Variants in PRKDC observed in about 807,000 individuals in gnomAD.
PRKDC encodes protein kinase, DNA-activated, catalytic subunit, also known as DNA-dependent protein kinase catalytic subunit.
A neutral mutation model predicts 486.9 loss-of-function variants in PRKDC; 82 were observed. The observed-to-expected ratio is 0.17, with a 90% confidence interval of 0.14 to 0.20. The LOEUF (loss-of-function observed/expected upper bound fraction) is 0.20, where lower values mean the gene tolerates loss of function less well. PRKDC is among the 10% of genes least tolerant of loss of function. The pLI is 1.00. For missense variants in PRKDC, 4,504 were observed against 5,038.2 expected (o/e 0.89, Z 3.21); for synonymous variants, 1,895 against 1,837.0 (o/e 1.03, Z -0.81).
At chr8:47,878,262 C>T (rs978932992) in intron 39 of PRKDC, among the ~76,000 whole-genome samples, 5 of 151,960 alleles carry the variant, frequency 3.3e-5, no homozygotes, top group Non-Finnish European at 7.4e-5. Flanking sequence ...CCCGCCACCA[C>T]GCCTGGCTAA....
intron 57 of PRKDC, 106 bp from the exon 58 acceptor site, chr8:47,836,633 A>C (rs1466137213): frequency 2.9e-6 from 3 of 1,028,372 alleles, no homozygotes; most frequent in Non-Finnish European, 4.2e-6. Context: ...TACCATCAGC[A>C]TATTTGTACC....
In PRKDC at chr8:47,879,485, A is replaced by G. The variant is rs1040074773; in HGVS notation, c.5235+6T>C. On this transcript the variant is annotated splice_donor_region_variant and intron_variant, in intron 39 of 85. Coordinates refer to ENST00000314191, the MANE Select transcript of PRKDC (RefSeq NM_006904.7). Reference sequence around the variant, plus strand: ...TTAATTTTACTTGATACTACTAGAAACTAACCTTTTTCATGCAGTCCACAT... The same window carrying G: ...TTAATTTTACTTGATACTACTAGAAGCTAACCTTTTTCATGCAGTCCACAT... 22 of 1,562,682 alleles carry G rather than the reference A, an allele frequency of 1.4e-5. No individual in the cohort carries two copies. Among genetic ancestry groups the G allele is most frequent in the Middle Eastern group, 1.8e-4 (1 of 5,546 alleles).
chr8:47,886,791 G>C (rs555000695), intron 35 of PRKDC, among the ~76,000 whole-genome samples: 1 of 151,968 alleles, frequency 6.6e-6, no homozygotes, highest in Admixed American at 6.6e-5. Flanking sequence ...GGGCTCAAGC[G>C]ATCTTCCCAC....
At chr8:47,862,719 A>G (rs112142713) in intron 42 of PRKDC, among the ~76,000 whole-genome samples, 178 bp from the exon 43 acceptor site, 2 of 152,234 alleles carry the variant, frequency 1.3e-5, no homozygotes, top group Non-Finnish European at 2.9e-5. Flanking sequence ...ATCTCACAGC[A>G]AAGGCAGCAT....
chr8:47,881,696 T>A (rs1160255961), intron 37 of PRKDC, among the ~76,000 whole-genome samples, 176 bp from the exon 38 acceptor site: 2 of 152,240 alleles, frequency 1.3e-5, no homozygotes, highest in East Asian at 3.8e-4. Context: ...GGACAATACA[T>A]GCAAAGGTAC....
intron 51 of PRKDC, among the ~76,000 whole-genome samples, chr8:47,853,601 G>A (rs761602448): frequency 6.6e-6 from 1 of 152,140 alleles, no homozygotes; most frequent in East Asian, 1.9e-4. Flanking sequence ...GCAGCCCAGC[G>A]TCTACCAGCC....
chr8:47,905,411 G>A (rs2089761327), intron 25 of PRKDC, among the ~76,000 whole-genome samples: 1 of 152,154 alleles, frequency 6.6e-6, no homozygotes, highest in African/African-American at 2.4e-5. Context: ...TTGTTCCTCT[G>A]ATTGGGAGGG....
At chr8:47,793,682 CT>C (rs2086925001) in intron 74 of PRKDC, among the ~76,000 whole-genome samples, 3 of 86,742 alleles carry the variant, frequency 3.5e-5, no homozygotes, top group Admixed American at 1.1e-4. Context: ...TTTAAAAAAA[CT>C]AAAAAAAAAA....
intron 40 of PRKDC, among the ~76,000 whole-genome samples, chr8:47,865,216 T>A (rs2088780393): frequency 6.6e-6 from 1 of 151,588 alleles, no homozygotes; most frequent in African/African-American, 2.4e-5. Flanking sequence ...TGAAACCCTG[T>A]CTCTACTAAG....
chr8:47,791,544 C>T (rs892111236), intron 74 of PRKDC, among the ~76,000 whole-genome samples: 3 of 151,908 alleles, frequency 2.0e-5, no homozygotes, highest in Non-Finnish European at 4.4e-5. Flanking sequence ...AAAAAAAATC[C>T]AATCTCATTT....
intron 25 of PRKDC, among the ~76,000 whole-genome samples, chr8:47,907,123 C>T (rs2089798822): frequency 6.6e-6 from 1 of 151,188 alleles, no homozygotes; most frequent in African/African-American, 2.4e-5. Flanking sequence ...TCACTGCAAG[C>T]TCCGCCTCCC....
intron 72 of PRKDC, among the ~76,000 whole-genome samples, chr8:47,798,738 T>C (rs548050751): frequency 6.1e-4 from 92 of 151,954 alleles, no homozygotes; most frequent in Non-Finnish European, 1.0e-3. Flanking sequence ...AAGTAGAAAT[T>C]AAACAAATGG....
chr8:47,830,696 A>G lies in PRKDC; in HGVS notation c.8306T>C (p.Val2769Ala). 6.2e-7 allele frequency: 1 copy of G among 1,613,938 alleles called. No individual in the cohort carries two copies. The highest frequency in any genetic ancestry group is 8.5e-7 in the Non-Finnish European group (1 of 1,179,870). The part of the protein sequence containing the change: ...SELKMKQDAQ[V>A]VLYRSYRHGD... Reference sequence around the variant, plus strand: ...GTGCCGGTAGCTTCTGTACAGAACGACCTGGGCATCCTGCTTCATTTTTAA... The same window carrying G: ...GTGCCGGTAGCTTCTGTACAGAACGGCCTGGGCATCCTGCTTCATTTTTAA... Residue 2769 changes from valine to alanine, a missense_variant, in exon 61 of 86, where the codon GTC becomes GCC. Physicochemically the swap from Val to Ala is moderately conservative, Grantham distance 64. Coordinates refer to ENST00000314191, the MANE Select transcript of PRKDC (RefSeq NM_006904.7).
chr8:47,859,075 C>T, intron 46 of PRKDC, 89 bp from the exon 47 acceptor site: 1 of 1,378,758 alleles, frequency 7.3e-7, no homozygotes, highest in Non-Finnish European at 1.0e-6. Context: ...TCTGGGGCAA[C>T]AGCATATAAC....
chr8:47,796,135 C>A (rs1589701632), intron 73 of PRKDC, among the ~76,000 whole-genome samples: 1 of 151,840 alleles, frequency 6.6e-6, no homozygotes, highest in East Asian at 1.9e-4. Context: ...CCTCATGATC[C>A]GCCCACCTCG....
At chr8:47,799,519 G>A (rs2087054260) in intron 71 of PRKDC, 129 bp from the exon 72 acceptor site, 2 of 945,066 alleles carry the variant, frequency 2.1e-6, no homozygotes, top group African/African-American at 3.3e-5. Context: ...CTATGGAACT[G>A]GAAAAACAAG....
At chr8:47,843,082 C>A (rs2088185163) in intron 54 of PRKDC, among the ~76,000 whole-genome samples, 1 of 152,124 alleles carries the variant, frequency 6.6e-6, no homozygotes, top group Admixed American at 6.5e-5. Context: ...GGAGGATCAC[C>A]TGAGCTTGAG....
chr8:47,817,392 A>G, intron 68 of PRKDC, 58 bp downstream of exon 68: 2 of 1,225,760 alleles, frequency 1.6e-6, no homozygotes, highest in Admixed American at 2.1e-5. Context: ...TGGAAGAAAA[A>G]CCATTCCAAC....
In PRKDC at chr8:47,893,406, T is replaced by G. The variant is rs370816066; in HGVS notation, c.3599-19A>C. ...CTGTTGCCTTTAAAAAGAAACAAAATTAAAATGCACACATATACCTACATT... is the reference window on the plus strand; with the variant it reads ...CTGTTGCCTTTAAAAAGAAACAAAAGTAAAATGCACACATATACCTACATT... On this transcript the variant is annotated intron_variant, in intron 30 of 85. Coordinates refer to ENST00000314191, the MANE Select transcript of PRKDC (RefSeq NM_006904.7). 2.2e-5 allele frequency: 32 copies of G among 1,485,378 alleles called. No homozygotes were observed. The highest frequency in any genetic ancestry group is 2.9e-5 in the Non-Finnish European group (32 of 1,113,132). 92.0% of individuals were successfully genotyped at this position (1,485,378 alleles called of 1,614,324 possible). A position where few individuals can be genotyped will look rare whatever the true frequency, so the allele number is the denominator to read the frequency against.
Sources: allele counts gnomAD v4.1 joint callset (sites outside exome capture counted in the v4.1 genomes callset), GRCh38; gene constraint gnomAD v4.1.1; transcripts MANE v1.5; gene names NCBI Gene and HGNC (gene_info 2026-07-23, HGNC 2026-07-21).